MAP9: variants seen among roughly 807,000 people sequenced by gnomAD.
MAP9 encodes microtubule-associated protein 9.
Under a neutral mutation model 75.2 loss-of-function variants are expected in MAP9, and 80 were observed. The observed-to-expected ratio is 1.06, with a 90% CI of 0.89 to 1.28. The LOEUF (loss-of-function observed/expected upper bound fraction) is 1.28. Ranked by LOEUF, MAP9 falls within the 50% of genes most tolerant of loss-of-function variation. The probability of loss-of-function intolerance (pLI) is 0.00; values close to 1 mark genes in which losing one functional copy is unlikely to be tolerated. For missense variants in MAP9, 753 were observed against 719.9 expected, an observed-to-expected ratio of 1.05 and a Z score of -0.53; for synonymous variants, 235 against 237.3, an observed-to-expected ratio of 0.99 and a Z score of 0.09.
At position 155,345,898 on chromosome 4, in the gene MAP9, C is replaced by G. The variant is rs1276565915; in HGVS notation, c.*1885G>C. ...CTCTAAACAGCTAATACAATAAACA[C>G]TTTTAATCTATTTTGGCAGGCACTG... On this transcript the variant is annotated 3_prime_UTR_variant, in exon 14 of 14. Coordinates refer to ENST00000311277, the MANE Select transcript of MAP9 (RefSeq NM_001039580.2). 1 of 152,052 alleles carries G rather than the reference C, an allele frequency of 6.6e-6. No homozygotes were observed. Among genetic ancestry groups the G allele is most frequent in the African/African-American group, 2.4e-5 (1 of 41,388 alleles). The allele number at this position is 152,052 out of a possible 1,614,324, so 9.4% of individuals were successfully genotyped here. A position where few individuals can be genotyped will look rare whatever the true frequency, so the allele number is the denominator to read the frequency against.
chr4:155,359,951 A>G (rs1731992936), intron 7 of MAP9, among the ~76,000 whole-genome samples: 1 of 152,038 alleles, frequency 6.6e-6, no homozygotes, highest in African/African-American at 2.4e-5. Context: ...ACCTCTGATA[A>G]TTTTTAAACA....
chr4:155,366,529 A>C (rs1162686094), intron 5 of MAP9, among the ~76,000 whole-genome samples: 1 of 152,184 alleles, frequency 6.6e-6, no homozygotes, highest in Admixed American at 6.5e-5. Context: ...AACATATGAC[A>C]AAGCCGAAGT....
At chr4:155,354,468 G>T (rs1448220649) in intron 10 of MAP9, 2 of 72,296 alleles carry the variant, frequency 2.8e-5, no homozygotes, top group South Asian at 3.7e-4. Flanking sequence ...ATCTTGTCGT[G>T]CCTTTTTTTT....
chr4:155,349,563 GGTTT>G (rs753550817), intron 13 of MAP9: 8 of 152,104 alleles, frequency 5.3e-5, no homozygotes, highest in African/African-American at 7.2e-5. Context: ...TGAAGTGGGA[GGTTT>G]GTTTGTTTTT....
chr4:155,357,528 C>A lies in MAP9; in HGVS notation c.1051-9G>T, dbSNP rs745466572. The A allele has an allele frequency of 1.0e-5, 15 of 1,433,646 alleles. No individual in the cohort carries two copies. The highest frequency in any genetic ancestry group is 1.4e-5 in the African/African-American group (1 of 71,242). 88.8% of individuals were successfully genotyped at this position (1,433,646 alleles called of 1,614,324 possible). On this transcript the variant is annotated splice_polypyrimidine_tract_variant and intron_variant, in intron 7 of 13. Coordinates refer to ENST00000311277, the MANE Select transcript of MAP9 (RefSeq NM_001039580.2). ...CTATCTTCAATTGTTTTCTATTAAA[C>A]AGAAAATGCCAAAGATGATTTATTC...
chr4:155,364,806 T>C (rs28783072), intron 5 of MAP9, among the ~76,000 whole-genome samples: 9,489 of 151,440 alleles, frequency 0.063, 670 homozygotes, highest in African/African-American at 0.17. Flanking sequence ...ATATCAATTC[T>C]AAATAGATTG....
chr4:155,351,036 AAAAT>A (rs1205656239), intron 13 of MAP9: 1 of 151,908 alleles, frequency 6.6e-6, no homozygotes, highest in African/African-American at 2.4e-5. Context: ...GTTTATGGAA[AAAAT>A]AAATAAACAA....
intron 8 of MAP9, among the ~76,000 whole-genome samples, chr4:155,356,934 G>A (rs1455797493): frequency 6.6e-6 from 1 of 152,198 alleles, no homozygotes; most frequent in Non-Finnish European, 1.5e-5. Flanking sequence ...TGGTGTGAAT[G>A]AAGCTATACA....
At position 155,346,674 on chromosome 4, in the gene MAP9, A is replaced by G. The variant is rs1386290261; in HGVS notation, c.*1109T>C. ...TTAAATACATTTGTAAAGGTCCAGT[A>G]GAGATTATATATTAGATGCTCAATA... On this transcript the variant is annotated 3_prime_UTR_variant, in exon 14 of 14. Coordinates refer to ENST00000311277, the MANE Select transcript of MAP9 (RefSeq NM_001039580.2). 1 of 152,596 alleles carries G rather than the reference A, an allele frequency of 6.6e-6. No individual in the cohort carries two copies. The highest frequency in any genetic ancestry group is 1.5e-5 in the Non-Finnish European group (1 of 68,026). The allele number at this position is 152,596 out of a possible 1,614,324, so 9.5% of individuals were successfully genotyped here.
At chr4:155,356,050 C>T (rs1421977846) in intron 8 of MAP9, among the ~76,000 whole-genome samples, 166 bp from the exon 9 acceptor site, 1 of 152,152 alleles carries the variant, frequency 6.6e-6, no homozygotes, top group Non-Finnish European at 1.5e-5. Context: ...GACTTGAGCT[C>T]ATCCTGTTGG....
Position 155,353,351 on chromosome 4 carries a change from A to C in MAP9, c.1381-11T>G, listed in dbSNP as rs1207390717. 1 of 1,553,206 alleles carries C rather than the reference A, an allele frequency of 6.4e-7. No homozygotes were observed. Among genetic ancestry groups the C allele is most frequent in the African/African-American group, 1.4e-5 (1 of 71,796 alleles). ...TTTAGCAGCTTTTTTCTACAGTGGA[A>C]AAAATAATAGAGTGATATACATATA... On this transcript the variant is annotated splice_polypyrimidine_tract_variant and intron_variant, in intron 10 of 13. Coordinates refer to ENST00000311277, the MANE Select transcript of MAP9 (RefSeq NM_001039580.2).
rs1044061933 is a variant in MAP9, at chr4:155,376,759, G to T, written c.-65+12C>A. ...AGAATCAAGAGCCAAGCATCGGGTA[G>T]GAGCTGCTCACCTTGGTCTGGGCCT... On this transcript the variant is annotated intron_variant, in intron 1 of 13. Coordinates refer to ENST00000311277, the MANE Select transcript of MAP9 (RefSeq NM_001039580.2). 2 of 152,978 alleles carry T rather than the reference G, an allele frequency of 1.3e-5. No individual in the cohort carries two copies. Among genetic ancestry groups the T allele is most frequent in the Non-Finnish European group, 2.9e-5 (2 of 68,296 alleles). 9.5% of individuals were successfully genotyped at this position (152,978 alleles called of 1,614,324 possible).
chr4:155,369,339 A>C lies in MAP9; in HGVS notation c.482-527T>G, dbSNP rs556787031. Among the ~76,000 whole-genome samples the C allele has an allele frequency of 3.4e-3, 507 of 147,402 alleles. 2 individuals carry two copies. The highest frequency in any genetic ancestry group is 0.012 in the African/African-American group (477 of 40,898). On this transcript the variant is annotated intron_variant, in intron 4 of 13. Coordinates refer to ENST00000311277, the MANE Select transcript of MAP9 (RefSeq NM_001039580.2). ...AGCAAAAATCCATCTAAAAAAAAAA[A>C]AAAAACCAAACAACAACAACAACAA...
chr4:155,353,115 G>C (rs1731594536), intron 11 of MAP9, 58 bp from the exon 12 acceptor site: 1 of 1,533,214 alleles, frequency 6.5e-7, no homozygotes, highest in Non-Finnish European at 8.8e-7. Flanking sequence ...ATAAAAATAT[G>C]GTTAATCATT....
In MAP9 at chr4:155,357,465, A is replaced by G. The variant is rs765598274; in HGVS notation, c.1105T>C (p.Ser369Pro). ...CTTTATTACCTGGCAGATGCACTGG[A>G]TGCTCTATTATTTGTTGACTTTTTA... ...KNKKSTNNRA[S>P]SASARLMTSE... Residue 369 changes from serine to proline, a missense_variant, in exon 8 of 14, where the codon TCC becomes CCC. Ser to Pro is a moderately conservative substitution (Grantham distance 74). Transcript: ENST00000311277. 3 of 1,558,634 alleles carry G rather than the reference A, an allele frequency of 1.9e-6. No individual in the cohort carries two copies. The South Asian group carries it at 3.3e-5, about 17-fold the overall frequency.
rs571696960 is a variant in MAP9 at position 155,343,989 on chromosome 4, C to T, written c.*3794G>A. ...AAAAGGAAGCATATGGGTTTAAATA[C>T]CTTTTTATATAGCACTATCAAAATC... On this transcript the variant is annotated 3_prime_UTR_variant, in exon 14 of 14. Coordinates refer to ENST00000311277, the MANE Select transcript of MAP9 (RefSeq NM_001039580.2). The T allele has an allele frequency of 6.6e-6, 1 of 151,958 alleles. No individual in the cohort carries two copies. The highest frequency in any genetic ancestry group is 2.1e-4 in the South Asian group (1 of 4,816). 9.4% of individuals were successfully genotyped at this position (151,958 alleles called of 1,614,324 possible). A position where few individuals can be genotyped will look rare whatever the true frequency, so the allele number is the denominator to read the frequency against.
rs754787957 is a variant in MAP9 at position 155,353,000 on chromosome 4, C to A, written c.1600G>T (p.Glu534Ter). 6.5e-7 allele frequency: 1 copy of A among 1,541,728 alleles called. No homozygotes were observed. The change falls in exon 12 of 14, where the codon GAG (glutamate) becomes TAG (stop). Residue 534 changes from glutamate to a stop codon, truncating the protein, a stop_gained. Transcript: ENST00000311277. LOFTEE classifies it high-confidence loss of function. ...MEYLKEKNRK[E>*]REYERAKKQK... ...TTCTTTGCTCTTTCATATTCTCTCT[C>A]CTTTCTATTTTTCTCTTTAAGATAT...
chr4:155,375,168 T>G lies in MAP9; in HGVS notation c.76-147A>C, dbSNP rs1732783443. On this transcript the variant is annotated intron_variant, in intron 2 of 13. Coordinates refer to ENST00000311277, the MANE Select transcript of MAP9 (RefSeq NM_001039580.2). ...ACAAATATTTCCTGCAAGCTCACTT[T>G]ATGCCATGTACCCACTTTACGCCTC... 9 of 577,330 alleles carry G rather than the reference T, an allele frequency of 1.6e-5. No homozygotes were observed. In the South Asian group the frequency reaches 2.1e-4, roughly 14 times the overall value. The allele number at this position is 577,330 out of a possible 1,614,324, so 35.8% of individuals were successfully genotyped here.
chr4:155,358,209 A>C (rs1321526355), intron 7 of MAP9, among the ~76,000 whole-genome samples: 6 of 152,224 alleles, frequency 3.9e-5, no homozygotes, highest in Non-Finnish European at 8.8e-5. Context: ...TGCCTGTTCT[A>C]ATTTAGAATT....
Sources: allele counts gnomAD v4.1 joint callset (sites outside exome capture counted in the v4.1 genomes callset), GRCh38; gene constraint gnomAD v4.1.1; transcripts MANE v1.5; gene names NCBI Gene and HGNC (gene_info 2026-07-23, HGNC 2026-07-21).